PRSS41: variants seen among roughly 807,000 people sequenced by gnomAD.
PRSS41 encodes serine protease 41, also known as protease, serine 41.
Under a neutral mutation model 28.8 loss-of-function variants are expected in PRSS41, and 37 were observed. The ratio of observed to expected loss-of-function variants is 1.29; its 90% CI spans 0.99 to 1.69. The LOEUF (loss-of-function observed/expected upper bound fraction) is 1.69, where lower values mean the gene tolerates loss of function less well. PRSS41 is among the 40% of genes most tolerant of loss of function. PRSS41 has a pLI of 0.00. For missense variants in PRSS41, 431 were observed against 400.7 expected, an observed-to-expected ratio of 1.08 and a Z score of -0.65; for synonymous variants, 195 against 163.1, an observed-to-expected ratio of 1.20 and a Z score of -1.49.
intron 4 of PRSS41, among the ~76,000 whole-genome samples, chr16:2,802,812 A>T (rs2068998470): frequency 6.6e-6 from 1 of 151,756 alleles, no homozygotes; most frequent in Admixed American, 6.6e-5. Flanking sequence ...GTGAGCCGAG[A>T]TGGCAGCAGT....
chr16:2,803,280 T>C (rs1432250827), intron 4 of PRSS41, among the ~76,000 whole-genome samples: 1 of 152,244 alleles, frequency 6.6e-6, no homozygotes, highest in East Asian at 1.9e-4. Context: ...GTTTAACTGA[T>C]TGTTTTAGAG....
chr16:2,804,064 C>T (rs1460749578), intron 4 of PRSS41, among the ~76,000 whole-genome samples: 1 of 152,204 alleles, frequency 6.6e-6, no homozygotes, highest in African/African-American at 2.4e-5. Context: ...TAAACATTCT[C>T]ATCTACTGTA....
intron 4 of PRSS41, among the ~76,000 whole-genome samples, chr16:2,802,405 G>A (rs1422663268): frequency 2.0e-5 from 3 of 151,164 alleles, no homozygotes; most frequent in South Asian, 4.2e-4. Context: ...AGACTGGGCA[G>A]CCAGGCAGAG....
chr16:2,799,579 G>C lies in PRSS41; in HGVS notation c.541+10G>C, dbSNP rs1161911589. 1.3e-6 allele frequency: 2 copies of C among 1,550,556 alleles called. No homozygotes were observed. Among genetic ancestry groups the C allele is most frequent in the African/African-American group, 2.7e-5 (2 of 73,164 alleles). On this transcript the variant is annotated intron_variant, in intron 4 of 5. Transcript: ENST00000399677. ...ATCAGCCCCAGTGGCAGTGAGGCTG[G>C]GGATAGACCGGGTGGGGTGATGGGG... is the stretch of plus-strand genomic sequence containing the variant.
chr16:2,801,385 CAG>C (rs1241370554), intron 4 of PRSS41, among the ~76,000 whole-genome samples: 1 of 147,180 alleles, frequency 6.8e-6, no homozygotes. Flanking sequence ...GTGTTTCTCA[CAG>C]AGGGGGATTT....
At position 2,805,297 on chromosome 16, in the gene PRSS41, A is replaced by G. The variant is rs1422601018; in HGVS notation, c.*165A>G. On this transcript the variant is annotated 3_prime_UTR_variant, in exon 6 of 6. Transcript: ENST00000399677. ...CTCGTTTGCTAATAAATACGTGTGCATGTTCAAGCTGATGCCTTACAGAGC... is the reference window on the plus strand; with the variant it reads ...CTCGTTTGCTAATAAATACGTGTGCGTGTTCAAGCTGATGCCTTACAGAGC... 7 of 614,774 alleles carry G rather than the reference A, an allele frequency of 1.1e-5. No homozygotes were observed. The East Asian group carries it at 1.9e-4, about 17-fold the overall frequency. The allele number at this position is 614,774 out of a possible 1,614,324, so 38.1% of individuals were successfully genotyped here. A position where few individuals can be genotyped will look rare whatever the true frequency, so the allele number is the denominator to read the frequency against.
At chr16:2,799,863 G>C (rs2068975410) in intron 4 of PRSS41, among the ~76,000 whole-genome samples, 1 of 152,256 alleles carries the variant, frequency 6.6e-6, no homozygotes, top group African/African-American at 2.4e-5. Context: ...AGTTCGGGAG[G>C]ACCTGGTGAC....
chr16:2,802,686 C>G (rs1404050615), intron 4 of PRSS41, among the ~76,000 whole-genome samples: 4 of 152,222 alleles, frequency 2.6e-5, no homozygotes, highest in Non-Finnish European at 5.9e-5. Context: ...TGGAGACCGG[C>G]CCGGCCAACA....
exon 6 of PRSS41, chr16:2,805,236 G>C: frequency 1.2e-6 from 1 of 857,614 alleles, no homozygotes; most frequent in East Asian, 2.7e-5. Context: ...GACAGGGTTG[G>C]GACTGCCTGC....
intron 4 of PRSS41, among the ~76,000 whole-genome samples, chr16:2,802,855 A>G (rs1157957618): frequency 7.0e-6 from 1 of 143,468 alleles, no homozygotes; most frequent in Non-Finnish European, 1.5e-5. Context: ...TGAGAGGGAG[A>G]CCGTGGGGAG....
At chr16:2,799,250 T>C in intron 3 of PRSS41, 36 bp from the exon 4 acceptor site, 1 of 1,546,592 alleles carries the variant, frequency 6.5e-7, no homozygotes, top group Non-Finnish European at 8.7e-7. Flanking sequence ...CAGCCCCCTA[T>C]TCCAAGGCTC....
chr16:2,798,479 G>A (rs1343057070), upstream of PRSS41: 17 of 1,482,588 alleles, frequency 1.1e-5, no homozygotes, highest in Admixed American at 2.4e-5. Flanking sequence ...CGCGGGAGAG[G>A]AGGCCATGGG....
chr16:2,798,904 G>C (rs2068965954), intron 2 of PRSS41, 55 bp from the exon 3 acceptor site: 1 of 1,472,006 alleles, frequency 6.8e-7, no homozygotes, highest in Admixed American at 2.3e-5. Flanking sequence ...GGCAGGGCGG[G>C]CCTGCCCACC....
intron 5 of PRSS41, 124 bp from the exon 6 acceptor site, chr16:2,804,790 G>C (rs943381806): frequency 3.5e-6 from 3 of 868,174 alleles, no homozygotes; most frequent in Non-Finnish European, 5.5e-6. Flanking sequence ...ACTGAGACTT[G>C]ATTCCATGGG....
exon 4 of PRSS41, chr16:2,799,527 G>C: frequency 1.9e-6 from 3 of 1,551,812 alleles, no homozygotes; most frequent in Non-Finnish European, 2.6e-6. Flanking sequence ...GCACCGGCCG[G>C]ACTGCTGGGT....
rs980578758 is a variant in PRSS41 at position 2,804,423 on chromosome 16, A to G, written c.576A>G (p.Ala192=). The G allele has an allele frequency of 2.3e-5, 35 of 1,551,516 alleles. No individual in the cohort carries two copies. The African/African-American group carries it at 4.4e-4, about 19-fold the overall frequency. ...CACCTCCTTACAACCTCCGGGAAGC[A>G]CAGGTCACCATCTTAAACAACACCA... The change falls in exon 5 of 6, where the codon GCA becomes GCG. Residue 192 remains alanine (A), a synonymous_variant. Transcript: ENST00000399677.
intron 4 of PRSS41, among the ~76,000 whole-genome samples, chr16:2,802,852 G>A (rs1357056376): frequency 1.3e-5 from 2 of 149,334 alleles, no homozygotes; most frequent in Non-Finnish European, 2.9e-5. Flanking sequence ...GCATGAGAGG[G>A]AGACCGTGGG....
intron 4 of PRSS41, among the ~76,000 whole-genome samples, chr16:2,802,030 C>A (rs576627191): frequency 2.0e-5 from 3 of 148,468 alleles, no homozygotes; most frequent in Non-Finnish European, 3.0e-5. Context: ...TGACCCCCCC[C>A]ACCTCCCTCC....
At chr16:2,799,640 G>C (rs753812130) in intron 4 of PRSS41, 71 bp downstream of exon 4, 56 of 1,461,508 alleles carry the variant, frequency 3.8e-5, no homozygotes, top group Non-Finnish European at 5.1e-5. Context: ...CCCTGTTCCC[G>C]CTACACAAGC....
Sources: gnomAD v4.1 joint callset for allele counts (sites outside exome capture counted in the v4.1 genomes callset) on GRCh38, gnomAD v4.1.1 for gene constraint, MANE v1.5 for transcripts, NCBI Gene and HGNC (gene_info 2026-07-23, HGNC 2026-07-21) for gene names.